Variants in KLHL32 observed in about 807,000 individuals in gnomAD.
KLHL32 encodes the protein kelch-like protein 32.
A neutral mutation model predicts 64.8 loss-of-function variants in KLHL32; 35 were observed. The ratio of observed to expected loss-of-function variants is 0.54; its 90% confidence interval spans 0.41 to 0.72. The LOEUF (loss-of-function observed/expected upper bound fraction) is 0.72. Among genes scored for constraint, KLHL32 ranks in the 30% least tolerant of loss-of-function variants. The pLI is 0.00. For missense variants in KLHL32, 589 were observed against 768.5 expected (o/e 0.77, Z 2.76); for synonymous variants, 259 against 281.0 (o/e 0.92, Z 0.78).
chr6:96,930,763 T>C (rs373645269), intron 1 of KLHL32, among the ~76,000 whole-genome samples: 1 of 152,116 alleles, frequency 6.6e-6, no homozygotes, highest in African/African-American at 2.4e-5. Context: ...CAATGATGTC[T>C]TTTCTCTCTG....
chr6:97,081,233 G>C (rs1792460770), intron 5 of KLHL32, among the ~76,000 whole-genome samples: 2 of 152,128 alleles, frequency 1.3e-5, no homozygotes, highest in Admixed American at 6.5e-5. Context: ...GCAAAGCAGG[G>C]TTAGCAGGCT....
At chr6:97,130,984 A>G (rs762862084) in intron 9 of KLHL32, 35 bp downstream of exon 9, 12 of 1,577,166 alleles carry the variant, frequency 7.6e-6, no homozygotes, top group Non-Finnish European at 9.5e-6. Context: ...CAGGAAAAGT[A>G]GATTCAAGAA....
intron 3 of KLHL32, among the ~76,000 whole-genome samples, chr6:97,020,447 G>A (rs534591908): frequency 6.6e-5 from 10 of 150,832 alleles, no homozygotes; most frequent in African/African-American, 2.2e-4. Context: ...ATTATCAAAA[G>A]TGGGCCTATT....
chr6:96,975,886 A>T, intron 2 of KLHL32, 111 bp from the exon 3 acceptor site: 2 of 683,390 alleles, frequency 2.9e-6, no homozygotes, highest in Non-Finnish European at 4.6e-6. Context: ...TCACACTCAT[A>T]GAGTGCACTG....
intron 3 of KLHL32, among the ~76,000 whole-genome samples, chr6:96,990,382 T>A (rs1413004474): frequency 1.3e-5 from 2 of 152,168 alleles, no homozygotes; most frequent in Non-Finnish European, 2.9e-5. Context: ...TGTTGAAGTT[T>A]GGGCTGTGAT....
At position 97,057,368 on chromosome 6, in the gene KLHL32, G is replaced by T. The variant is rs1234319518; in HGVS notation, c.313-7260G>T. Among the ~76,000 whole-genome samples the T allele has an allele frequency of 6.5e-5, 8 of 123,242 alleles. 1 individual carries two copies. The highest frequency in any genetic ancestry group is 9.6e-5 in the Non-Finnish European group (6 of 62,202). The allele number at this position is 123,242 out of a possible 152,430, so 80.9% of individuals were successfully genotyped here. On this transcript the variant is annotated intron_variant, in intron 4 of 10. Transcript: ENST00000369261. ...CCGGCTAATTTTTGTATTTTTAGTA[G>T]AGACGGGGTTTCACTGTGTTAGCCA...
intron 3 of KLHL32, among the ~76,000 whole-genome samples, chr6:96,999,227 C>T (rs1304322562): frequency 1.3e-5 from 2 of 152,152 alleles, no homozygotes; most frequent in African/African-American, 4.8e-5. Flanking sequence ...GACACCCCAT[C>T]TCTACAAAAA....
At chr6:97,048,583 C>G (rs1786309149) in intron 4 of KLHL32, among the ~76,000 whole-genome samples, 1 of 152,120 alleles carries the variant, frequency 6.6e-6, no homozygotes, top group Non-Finnish European at 1.5e-5. Flanking sequence ...TCATTTGGTT[C>G]CCTAATAAGT....
At chr6:97,114,795 T>G (rs1220020287) in intron 7 of KLHL32, among the ~76,000 whole-genome samples, 1 of 152,308 alleles carries the variant, frequency 6.6e-6, no homozygotes, top group East Asian at 1.9e-4. Flanking sequence ...TCCTGTCAGC[T>G]CTTGATTATT....
At chr6:97,005,510 G>T (rs1164924330) in intron 3 of KLHL32, among the ~76,000 whole-genome samples, 2 of 151,846 alleles carry the variant, frequency 1.3e-5, no homozygotes, top group Admixed American at 6.6e-5. Flanking sequence ...GTTATTTCTT[G>T]TCTTCTGCTA....
intron 5 of KLHL32, among the ~76,000 whole-genome samples, chr6:97,082,352 A>G (rs998186983): frequency 6.6e-5 from 10 of 152,112 alleles, no homozygotes; most frequent in Non-Finnish European, 1.2e-4. Context: ...GGTGGCTCAC[A>G]CCTGTAATCC....
rs1787464306 is a variant in KLHL32, at chr6:97,054,398, G to T, written c.313-10230G>T. ...CCTACTATATGCTAAGGACTTACTA[G>T]TTGTTAGGGATGCACTGATGAGAAA... On this transcript the variant is annotated intron_variant, in intron 4 of 10. Transcript: ENST00000369261. 2.6e-5 allele frequency among the ~76,000 whole-genome samples: 4 copies of T among 152,170 alleles called. 1 individual carries two copies. The South Asian group carries it at 8.3e-4, about 31-fold the overall frequency.
At chr6:97,041,458 C>A (rs774640563) in intron 3 of KLHL32, 34 bp from the exon 4 acceptor site, 3 of 1,452,120 alleles carry the variant, frequency 2.1e-6, no homozygotes, top group Non-Finnish European at 2.9e-6. Context: ...CTGTCAAAGT[C>A]TCATAACTGT....
intron 3 of KLHL32, among the ~76,000 whole-genome samples, chr6:97,039,254 G>A (rs901456806): frequency 6.6e-6 from 1 of 151,992 alleles, no homozygotes; most frequent in African/African-American, 2.4e-5. Flanking sequence ...GGAATTAGAG[G>A]TCATTATGTT....
At chr6:96,970,860 TTA>T (rs1264500680) in intron 2 of KLHL32, among the ~76,000 whole-genome samples, 1 of 152,196 alleles carries the variant, frequency 6.6e-6, no homozygotes, top group Non-Finnish European at 1.5e-5. Context: ...AATTATTTTA[TTA>T]TAGGGTCTTT....
intron 9 of KLHL32, 110 bp from the exon 10 acceptor site, chr6:97,132,543 G>C (rs2128222554): frequency 1.3e-6 from 1 of 742,578 alleles, no homozygotes; most frequent in Non-Finnish European, 2.3e-6. Flanking sequence ...ATCCCATGGA[G>C]TATACAAATG....
At chr6:96,945,537 G>A (rs748598432) in intron 1 of KLHL32, among the ~76,000 whole-genome samples, 9 of 152,176 alleles carry the variant, frequency 5.9e-5, no homozygotes, top group Non-Finnish European at 1.3e-4. Context: ...CTTCACCCAA[G>A]CCTACTCAGA....
intron 1 of KLHL32, among the ~76,000 whole-genome samples, chr6:96,940,618 T>C (rs1771164903): frequency 6.6e-6 from 1 of 152,212 alleles, no homozygotes; most frequent in Non-Finnish European, 1.5e-5. Context: ...AACCATACTA[T>C]AGCCCTGCTT....
chr6:96,907,327 T>A, the KLHL32 span, among the ~76,000 whole-genome samples: 7 of 152,190 alleles, frequency 4.6e-5, no homozygotes, highest in Non-Finnish European at 1.0e-4. Context: ...TCATTATTTT[T>A]AAAAAATCCT....
Sources: allele counts gnomAD v4.1 joint callset (sites outside exome capture counted in the v4.1 genomes callset), GRCh38; gene constraint gnomAD v4.1.1; transcripts MANE v1.5; gene names NCBI Gene and HGNC (gene_info 2026-07-23, HGNC 2026-07-21).